Variants in OTUD7A observed in about 807,000 individuals in gnomAD.
OTUD7A encodes OTU domain-containing protein 7A.
A neutral mutation model predicts 65.7 loss-of-function variants in OTUD7A; 12 were observed. That is an observed-to-expected ratio of 0.18 (90% CI 0.12 to 0.30). OTUD7A has a LOEUF of 0.30. OTUD7A is among the 10% of genes least tolerant of loss of function. The probability of loss-of-function intolerance (pLI) is 1.00; values close to 1 mark genes in which losing one functional copy is unlikely to be tolerated. For synonymous variants in OTUD7A, 641 were observed against 586.3 expected (o/e 1.09, Z -1.35); for missense variants, 1,148 against 1,304.8 (o/e 0.88, Z 1.85).
chr15:31,600,244 G>T (rs1246964639), intron 3 of OTUD7A, among the ~76,000 whole-genome samples: 1 of 152,152 alleles, frequency 6.6e-6, no homozygotes, highest in Non-Finnish European at 1.5e-5. Flanking sequence ...AAACTGTTAA[G>T]GGCAGCCAGA....
At chr15:31,585,547 C>T (rs976645961) in intron 3 of OTUD7A, among the ~76,000 whole-genome samples, 4 of 152,156 alleles carry the variant, frequency 2.6e-5, no homozygotes, top group African/African-American at 9.7e-5. Context: ...GCGTCCCCAC[C>T]CGGCATCCCC....
chr15:31,741,488 C>A (rs1440411224), intron 1 of OTUD7A, among the ~76,000 whole-genome samples: 1 of 151,988 alleles, frequency 6.6e-6, no homozygotes, highest in African/African-American at 2.4e-5. Flanking sequence ...TTTATTGTTC[C>A]ATATACACAT....
chr15:31,850,582 G>GAA (rs1166849513), intron 1 of OTUD7A, among the ~76,000 whole-genome samples: 1 of 149,878 alleles, frequency 6.7e-6, no homozygotes, highest in Non-Finnish European at 1.5e-5. Context: ...AATAAAGAAA[G>GAA]AAAAAGAAAT....
intron 1 of OTUD7A, among the ~76,000 whole-genome samples, chr15:31,758,169 T>G (rs1392895604): frequency 2.6e-5 from 4 of 152,148 alleles, no homozygotes; most frequent in Non-Finnish European, 5.9e-5. Context: ...GATAGCTACC[T>G]CCTCTTAAAC....
intron 1 of OTUD7A, among the ~76,000 whole-genome samples, chr15:31,816,742 T>TA (rs1896560021): frequency 6.6e-6 from 1 of 151,938 alleles, no homozygotes; most frequent in Non-Finnish European, 1.5e-5. Context: ...ATTTACTACT[T>TA]AAAAGAATCC....
intron 3 of OTUD7A, among the ~76,000 whole-genome samples, chr15:31,645,214 A>G (rs1891625745): frequency 2.6e-5 from 4 of 152,174 alleles, no homozygotes. Context: ...CAATTACAGG[A>G]CTAACCTTGT....
chr15:31,589,248 C>T (rs1406640877), intron 3 of OTUD7A, among the ~76,000 whole-genome samples: 1 of 151,584 alleles, frequency 6.6e-6, no homozygotes, highest in Admixed American at 6.6e-5. Context: ...CCTTGGGATT[C>T]TCTTTAAAGA....
chr15:31,665,916 C>T (rs1300656810), intron 1 of OTUD7A, among the ~76,000 whole-genome samples: 8 of 152,206 alleles, frequency 5.3e-5, no homozygotes, highest in East Asian at 1.9e-4. Flanking sequence ...GAGACGATCA[C>T]GTGATTTTTG....
chr15:31,806,434 T>A (rs1380269869), intron 1 of OTUD7A, among the ~76,000 whole-genome samples: 1 of 152,174 alleles, frequency 6.6e-6, no homozygotes, highest in Non-Finnish European at 1.5e-5. Context: ...GGAAAATGAG[T>A]CAAAGCAGAA....
rs745411890 is a variant in OTUD7A, at chr15:31,524,210, A to G, written c.893+2139T>C. 1.2e-3 allele frequency among the ~76,000 whole-genome samples: 176 copies of G among 151,786 alleles called. 1 individual carries two copies. The highest frequency in any genetic ancestry group is 6.0e-4 in the Non-Finnish European group (41 of 67,932). ...CTGAAACCCTAGAAATGCCTCCTGC[A>G]TCACTGGCACAGGATTCTGACCTGA... On this transcript the variant is annotated intron_variant, in intron 8 of 12. Coordinates refer to ENST00000307050, the MANE Select transcript of OTUD7A (RefSeq NM_001382637.1).
chr15:31,827,859 C>T (rs28447206), intron 1 of OTUD7A, among the ~76,000 whole-genome samples: 58 of 130,978 alleles, frequency 4.4e-4, no homozygotes, highest in African/African-American at 1.5e-3. Flanking sequence ...CTTGGAGGGG[C>T]GGGGGTTAGA....
At chr15:31,790,000 T>C (rs1895773680) in intron 1 of OTUD7A, among the ~76,000 whole-genome samples, 1 of 152,174 alleles carries the variant, frequency 6.6e-6, no homozygotes, top group African/African-American at 2.4e-5. Context: ...GACTAATGCC[T>C]AGCAAGCCTC....
chr15:31,483,225 A>C lies in OTUD7A; in HGVS notation c.*69T>G. The stretch of plus-strand genomic sequence containing the variant: ...TTCCGGTGGACCAGGGCATGTAAAA[A>C]AGACACCGACACAATGGAAAAGAAA... On this transcript the variant is annotated 3_prime_UTR_variant, in exon 13 of 13. Coordinates refer to ENST00000307050, the MANE Select transcript of OTUD7A (RefSeq NM_001382637.1). 2 of 1,049,106 alleles carry C rather than the reference A, an allele frequency of 1.9e-6. No individual in the cohort carries two copies. The highest frequency in any genetic ancestry group is 2.3e-6 in the Non-Finnish European group (2 of 872,282). 65.0% of individuals were successfully genotyped at this position (1,049,106 alleles called of 1,614,324 possible). A position where few individuals can be genotyped will look rare whatever the true frequency, so the allele number is the denominator to read the frequency against.
At chr15:31,745,458 G>A (rs1894450754) in intron 1 of OTUD7A, among the ~76,000 whole-genome samples, 1 of 152,108 alleles carries the variant, frequency 6.6e-6, no homozygotes, top group African/African-American at 2.4e-5. Flanking sequence ...CCTCAGCAGA[G>A]GTTGCTGGGA....
intron 3 of OTUD7A, among the ~76,000 whole-genome samples, chr15:31,640,120 C>T (rs1891466940): frequency 6.6e-6 from 1 of 152,142 alleles, no homozygotes; most frequent in Non-Finnish European, 1.5e-5. Flanking sequence ...GAATTAATGG[C>T]ATTTGAGCGA....
intron 1 of OTUD7A, among the ~76,000 whole-genome samples, chr15:31,850,458 T>C (rs1897394207): frequency 6.6e-6 from 1 of 151,944 alleles, no homozygotes; most frequent in Non-Finnish European, 1.5e-5. Flanking sequence ...ATATCTAATG[T>C]AAATGATGAG....
intron 1 of OTUD7A, among the ~76,000 whole-genome samples, chr15:31,791,980 A>C (rs1413765180): frequency 6.6e-6 from 1 of 152,094 alleles, no homozygotes; most frequent in African/African-American, 2.4e-5. Context: ...CCCACTTCAC[A>C]TGCCTACTCA....
intron 1 of OTUD7A, among the ~76,000 whole-genome samples, chr15:31,728,186 TC>T (rs1893945097): frequency 6.6e-6 from 1 of 152,214 alleles, no homozygotes; most frequent in African/African-American, 2.4e-5. Flanking sequence ...AGTTCTTCCA[TC>T]TACTCAGTTG....
At chr15:31,863,443 C>A (rs1897797440) in intron 1 of OTUD7A, among the ~76,000 whole-genome samples, 1 of 152,224 alleles carries the variant, frequency 6.6e-6, no homozygotes, top group African/African-American at 2.4e-5. Flanking sequence ...TTCCATACAT[C>A]TTCTGAAATC....
Sources: gnomAD v4.1 joint callset for allele counts (sites outside exome capture counted in the v4.1 genomes callset) on GRCh38, gnomAD v4.1.1 for gene constraint, MANE v1.5 for transcripts, NCBI Gene and HGNC (gene_info 2026-07-23, HGNC 2026-07-21) for gene names.